C2orf80: variants seen among roughly 807,000 people sequenced by gnomAD.
C2orf80 encodes chromosome 2 open reading frame 80, also known as uncharacterized protein C2orf80.
Under a neutral mutation model 30.2 loss-of-function variants are expected in C2orf80, and 28 were observed. That is an observed-to-expected ratio of 0.93 (90% confidence interval 0.69 to 1.27). The LOEUF is 1.27. C2orf80 is among the 50% of genes most tolerant of loss of function. The pLI, the probability that C2orf80 is intolerant of heterozygous loss-of-function variation, is 0.00. For missense variants in C2orf80, 220 were observed against 231.0 expected, an observed-to-expected ratio of 0.95 and a Z score of 0.31; for synonymous variants, 80 against 76.4, an observed-to-expected ratio of 1.05 and a Z score of -0.24.
chr2:208,177,431 C>T (rs1435902933), intron 6 of C2orf80, among the ~76,000 whole-genome samples: 3 of 152,082 alleles, frequency 2.0e-5, no homozygotes, highest in Admixed American at 6.6e-5. Context: ...ATTCCAGCTA[C>T]TCAGGAGGCT....
chr2:208,173,072 T>C (rs759607631), intron 6 of C2orf80, among the ~76,000 whole-genome samples: 13 of 140,208 alleles, frequency 9.3e-5, no homozygotes, highest in Non-Finnish European at 1.8e-4. Flanking sequence ...TGAGCCGAGA[T>C]TGCGTCACTG....
At chr2:208,188,039 T>C (rs1213283193) in intron 1 of C2orf80, among the ~76,000 whole-genome samples, 1 of 151,966 alleles carries the variant, frequency 6.6e-6, no homozygotes, top group Non-Finnish European at 1.5e-5. Context: ...GAGCCAATTC[T>C]GTAAAATCAA....
At chr2:208,186,457 A>C (rs947639814) in intron 2 of C2orf80, among the ~76,000 whole-genome samples, 1 of 152,232 alleles carries the variant, frequency 6.6e-6, no homozygotes, top group Admixed American at 6.5e-5. Context: ...TTTCTTTCAC[A>C]GGAAACTTGA....
At chr2:208,179,088 T>C (rs1696466954) in intron 6 of C2orf80, among the ~76,000 whole-genome samples, 1 of 152,180 alleles carries the variant, frequency 6.6e-6, no homozygotes, top group African/African-American at 2.4e-5. Context: ...AGTTATCTTG[T>C]CTGACTTGCT....
rs1012591604 is a variant in C2orf80 at position 208,184,253 on chromosome 2, A to C, written c.123+698T>G. ...AATACGACCTCATTAAAGTTTGAGA[A>C]GCACTGCTCTAATCTACTTAATTTC... On this transcript the variant is annotated intron_variant, in intron 3 of 8. Transcript: ENST00000341287. Among the ~76,000 whole-genome samples the C allele has an allele frequency of 7.9e-5, 12 of 152,258 alleles. No individual in the cohort carries two copies. The East Asian group carries it at 2.3e-3, about 29-fold the overall frequency.
intron 6 of C2orf80, among the ~76,000 whole-genome samples, chr2:208,176,973 A>ATACATCTG (rs1559340668): frequency 2.2e-5 from 2 of 92,238 alleles, no homozygotes; most frequent in Non-Finnish European, 4.9e-5. Context: ...ATGTATACAT[A>ATACATCTG]TATACAGAAA....
chr2:208,173,504 T>A (rs1360843182), intron 6 of C2orf80, among the ~76,000 whole-genome samples: 2 of 151,566 alleles, frequency 1.3e-5, no homozygotes, highest in African/African-American at 4.8e-5. Flanking sequence ...GGGCACCTGT[T>A]GTACCAGCTA....
chr2:208,174,214 A>G (rs1696203405), intron 6 of C2orf80, among the ~76,000 whole-genome samples: 1 of 152,110 alleles, frequency 6.6e-6, no homozygotes, highest in Non-Finnish European at 1.5e-5. Flanking sequence ...TCAGCCTCTT[A>G]AAGGGCTGGG....
At chr2:208,168,197 G>C (rs1695963464) in intron 8 of C2orf80, among the ~76,000 whole-genome samples, 1 of 152,070 alleles carries the variant, frequency 6.6e-6, no homozygotes, top group South Asian at 2.1e-4. Context: ...ATATGTATAT[G>C]TGTAGCAAAT....
At chr2:208,185,477 G>A (rs902277704) in intron 2 of C2orf80, among the ~76,000 whole-genome samples, 2 of 152,144 alleles carry the variant, frequency 1.3e-5, no homozygotes, top group African/African-American at 4.8e-5. Flanking sequence ...TTTCTCTTTA[G>A]AATGCAAATA....
chr2:208,184,195 C>G (rs1324556246), intron 3 of C2orf80, among the ~76,000 whole-genome samples: 1 of 152,198 alleles, frequency 6.6e-6, no homozygotes, highest in African/African-American at 2.4e-5. Flanking sequence ...TCACCCCCGC[C>G]CCCCTTCACC....
At chr2:208,187,204 C>T in intron 1 of C2orf80, 143 bp from the exon 2 acceptor site, 2 of 539,060 alleles carry the variant, frequency 3.7e-6, no homozygotes, top group South Asian at 2.9e-5. Context: ...AAAAAGCCAC[C>T]TGGAGGCTCA....
intron 6 of C2orf80, among the ~76,000 whole-genome samples, chr2:208,176,969 A>AT (rs1696356099): frequency 8.4e-6 from 1 of 118,568 alleles, no homozygotes; most frequent in Non-Finnish European, 1.9e-5. Flanking sequence ...ACATATGTAT[A>AT]CATATATACA....
intron 8 of C2orf80, among the ~76,000 whole-genome samples, chr2:208,167,319 C>T (rs1695927462): frequency 2.0e-5 from 3 of 151,800 alleles, no homozygotes; most frequent in Admixed American, 6.6e-5. Flanking sequence ...GTCAGGAGTT[C>T]AAGACCAGGC....
rs115268687 is a variant in C2orf80 at position 208,175,002 on chromosome 2, C to T, written c.367-2927G>A. Among the ~76,000 whole-genome samples, 703 of 152,172 alleles carry T rather than the reference C, an allele frequency of 4.6e-3. 7 individuals are homozygous for T. The highest frequency in any genetic ancestry group is 0.014 in the African/African-American group (586 of 41,518). ...AGGTTAAAATCGAATAAGACATGGT[C>T]GGGCGCGGTGGCTCAGCCTGTAATC... On this transcript the variant is annotated intron_variant, in intron 6 of 8. Transcript: ENST00000341287.
intron 8 of C2orf80, 51 bp from the exon 9 acceptor site, chr2:208,165,866 C>T: frequency 7.9e-7 from 1 of 1,262,462 alleles, no homozygotes; most frequent in Non-Finnish European, 1.1e-6. Flanking sequence ...TTAACATGGA[C>T]ACAGACATTA....
chr2:208,177,824 ATTTATTT>A (rs1268091884), intron 6 of C2orf80, among the ~76,000 whole-genome samples: 1 of 150,356 alleles, frequency 6.7e-6, no homozygotes, highest in Non-Finnish European at 1.5e-5. Flanking sequence ...TTATTTATTT[ATTTATTT>A]TTTATTTTTT....
intron 6 of C2orf80, among the ~76,000 whole-genome samples, chr2:208,172,709 C>T (rs1347805534): frequency 1.3e-5 from 2 of 152,206 alleles, no homozygotes; most frequent in Non-Finnish European, 2.9e-5. Flanking sequence ...TTTTGGAAAG[C>T]AGTTTAGCTT....
intron 4 of C2orf80, 38 bp from the exon 5 acceptor site, chr2:208,181,343 CTTG>C: frequency 7.1e-7 from 1 of 1,405,062 alleles, no homozygotes; most frequent in Non-Finnish European, 1.0e-6. Context: ...AAGATTTATT[CTTG>C]TTCTTTTTGA....
Sources: gnomAD v4.1 joint callset for allele counts (sites outside exome capture counted in the v4.1 genomes callset) on GRCh38, gnomAD v4.1.1 for gene constraint, MANE v1.5 for transcripts, NCBI Gene and HGNC (gene_info 2026-07-23, HGNC 2026-07-21) for gene names.